The following CCDC171 variants were observed in gnomAD, a reference collection of about 807,000 sequenced individuals.
The protein encoded by CCDC171 is coiled-coil domain containing 171.
Under a neutral mutation model 168.2 loss-of-function variants are expected in CCDC171, and 177 were observed. The ratio of observed to expected loss-of-function variants is 1.05; its 90% CI spans 0.93 to 1.19. The LOEUF is 1.19. Among genes scored for constraint, CCDC171 ranks in the 50% most tolerant of loss-of-function variants. The pLI, the probability that CCDC171 is intolerant of heterozygous loss-of-function variation, is 0.00. For synonymous variants in CCDC171, 687 were observed against 540.8 expected (o/e 1.27, Z -3.75); for missense variants, 1,991 against 1,539.0 (o/e 1.29, Z -4.91).
intron 1 of CCDC171, among the ~76,000 whole-genome samples, chr9:16,051,198 C>G (rs1833744482): frequency 6.6e-6 from 1 of 152,010 alleles, no homozygotes; most frequent in Non-Finnish European, 1.5e-5. Context: ...TTTCAACATT[C>G]AGGATTGTGT....
chr9:15,662,927 G>A (rs565687966), intron 8 of CCDC171, among the ~76,000 whole-genome samples: 78 of 152,292 alleles, frequency 5.1e-4, no homozygotes, highest in Non-Finnish European at 1.1e-3. Context: ...GTTGCAGTGA[G>A]CTGAGATTGC....
intron 25 of CCDC171, among the ~76,000 whole-genome samples, chr9:15,953,330 T>G (rs1829423868): frequency 6.6e-6 from 1 of 152,144 alleles, no homozygotes; most frequent in Non-Finnish European, 1.5e-5. Context: ...ATATATGACC[T>G]TTATTGTGTT....
chr9:15,694,386 C>T (rs1588002830), intron 10 of CCDC171, among the ~76,000 whole-genome samples: 1 of 152,268 alleles, frequency 6.6e-6, no homozygotes, highest in Admixed American at 6.5e-5. Context: ...TTATTTGGGA[C>T]CTGTTATTTG....
intron 18 of CCDC171, among the ~76,000 whole-genome samples, chr9:15,776,702 A>G (rs376090506): frequency 2.6e-5 from 4 of 152,186 alleles, no homozygotes; most frequent in Non-Finnish European, 4.4e-5. Flanking sequence ...GTCTCAGTCA[A>G]TGTTGCTCTT....
At position 15,674,694 on chromosome 9, in the gene CCDC171, T is replaced by A. The variant is rs12344523; in HGVS notation, c.1077-4064T>A. On this transcript the variant is annotated intron_variant, in intron 9 of 25. Coordinates refer to ENST00000380701, the MANE Select transcript of CCDC171 (RefSeq NM_173550.4). ...TTTGAGTGAGTTTCTTAATCCTGAG[T>A]TCTAGTTTGATTGCACTGTGGTCTG... 6.5e-3 allele frequency among the ~76,000 whole-genome samples: 988 copies of A among 152,344 alleles called. 11 individuals carry two copies. The highest frequency in any genetic ancestry group is 0.014 in the Admixed American group (210 of 15,306).
chr9:16,093,180 G>A, the CCDC171 span, among the ~76,000 whole-genome samples: 44 of 152,306 alleles, frequency 2.9e-4, no homozygotes, highest in African/African-American at 6.3e-4. Flanking sequence ...AAAGAAAAAC[G>A]GCTTTGTTAG....
intron 21 of CCDC171, among the ~76,000 whole-genome samples, chr9:15,828,499 C>T (rs904018771): frequency 5.9e-5 from 9 of 152,086 alleles, no homozygotes; most frequent in African/African-American, 1.9e-4. Context: ...ATATGTAGGA[C>T]GTCCTTAGAA....
At chr9:15,715,624 T>TA (rs1339565480) in intron 11 of CCDC171, among the ~76,000 whole-genome samples, 6 of 152,184 alleles carry the variant, frequency 3.9e-5, no homozygotes, top group Non-Finnish European at 7.4e-5. Flanking sequence ...GATAGCTGTA[T>TA]AAAAAAAGCT....
chr9:16,000,731 T>TA (rs1328207404), intron 3 of CCDC171, among the ~76,000 whole-genome samples: 1 of 151,906 alleles, frequency 6.6e-6, no homozygotes, highest in African/African-American at 2.4e-5. Flanking sequence ...GAAGAGACTT[T>TA]TTTTTTTTGC....
chr9:15,742,953 T>C (rs1391400186), intron 16 of CCDC171, among the ~76,000 whole-genome samples: 4 of 151,934 alleles, frequency 2.6e-5, no homozygotes, highest in African/African-American at 9.7e-5. Flanking sequence ...TTTTAAATTT[T>C]TTTTTTGTAG....
intron 8 of CCDC171, among the ~76,000 whole-genome samples, chr9:15,662,334 T>A (rs2048381896): frequency 6.6e-6 from 1 of 151,306 alleles, no homozygotes; most frequent in Non-Finnish European, 1.5e-5. Context: ...AAATTTTGGA[T>A]AATTAAAAAT....
At chr9:15,889,876 G>T (rs562136767) in intron 24 of CCDC171, among the ~76,000 whole-genome samples, 72 of 152,330 alleles carry the variant, frequency 4.7e-4, no homozygotes, top group African/African-American at 1.7e-3. Context: ...CTTGTTGTGA[G>T]TCCAGTGGCT....
At chr9:15,840,314 G>A (rs1478267294) in intron 21 of CCDC171, among the ~76,000 whole-genome samples, 1 of 151,998 alleles carries the variant, frequency 6.6e-6, no homozygotes, top group African/African-American at 2.4e-5. Context: ...TTTTAAAACA[G>A]CATTTAAATT....
At chr9:15,631,438 C>T (rs1010147801) in intron 7 of CCDC171, among the ~76,000 whole-genome samples, 1 of 152,182 alleles carries the variant, frequency 6.6e-6, no homozygotes, top group Admixed American at 6.5e-5. Context: ...TTGATAGATT[C>T]TTGGACACAT....
chr9:15,753,472 A>G (rs763363686), intron 18 of CCDC171, among the ~76,000 whole-genome samples: 5 of 152,180 alleles, frequency 3.3e-5, no homozygotes, highest in African/African-American at 9.6e-5. Context: ...TATCATTGGC[A>G]TGGGGTCAAA....
Position 15,753,187 on chromosome 9 carries a change from C to G in CCDC171, c.2671+7556C>G, listed in dbSNP as rs549962981. On this transcript the variant is annotated intron_variant, in intron 18 of 25. Transcript: ENST00000380701. ...AGGCTTTTAATGCTACAAGAATCTA[C>G]AGAAGGTGCTGCTCATTGTGGGCTT... is the stretch of plus-strand genomic sequence containing the variant. Among the ~76,000 whole-genome samples the G allele has an allele frequency of 9.1e-4, 138 of 152,188 alleles. 2 individuals are homozygous for G. The South Asian group carries it at 0.027, about 30-fold the overall frequency.
intron 6 of CCDC171, among the ~76,000 whole-genome samples, chr9:16,028,482 T>C (rs539528353): frequency 6.6e-6 from 1 of 152,286 alleles, no homozygotes; most frequent in African/African-American, 2.4e-5. Flanking sequence ...CCAGATGAAA[T>C]ATAAGACACC....
chr9:15,560,517 A>G (rs2039204633), intron 1 of CCDC171, among the ~76,000 whole-genome samples: 1 of 152,056 alleles, frequency 6.6e-6, no homozygotes, highest in African/African-American at 2.4e-5. Context: ...ACTTGATCAA[A>G]TCGGCTACTG....
At chr9:15,842,326 A>G (rs1303578684) in intron 21 of CCDC171, among the ~76,000 whole-genome samples, 1 of 152,066 alleles carries the variant, frequency 6.6e-6, no homozygotes, top group Non-Finnish European at 1.5e-5. Context: ...AGAAAGAACT[A>G]TGTTGGGTGA....
Sources: allele counts gnomAD v4.1 joint callset (sites outside exome capture counted in the v4.1 genomes callset), GRCh38; gene constraint gnomAD v4.1.1; transcripts MANE v1.5; gene names NCBI Gene and HGNC (gene_info 2026-07-23, HGNC 2026-07-21).